Variants in PDIA3 observed in about 807,000 individuals in gnomAD.
PDIA3 encodes the protein protein disulfide isomerase family A member 3.
In PDIA3, 16 loss-of-function variants were observed where a neutral mutation model predicts 56.9. The observed-to-expected ratio is 0.28, with a 90% CI of 0.19 to 0.43. The LOEUF is 0.43. Ranked by LOEUF, PDIA3 falls within the 20% of genes least tolerant of loss-of-function variation. PDIA3 has a pLI of 1.00. For missense variants in PDIA3, 485 were observed against 621.3 expected (o/e 0.78, Z 2.33); for synonymous variants, 192 against 216.5 (o/e 0.89, Z 0.99).
chr15:43,761,555 G>A, intron 4 of PDIA3, 24 bp downstream of exon 4: 1 of 1,204,140 alleles, frequency 8.3e-7, no homozygotes, highest in Non-Finnish European at 1.2e-6. Context: ...ATTAAACCGT[G>A]CCACAGAATT....
chr15:43,760,520 A>AG (rs2086807778), intron 3 of PDIA3, among the ~76,000 whole-genome samples: 1 of 97,676 alleles, frequency 1.0e-5, no homozygotes, highest in African/African-American at 5.0e-5. Flanking sequence ...TGTTTCTGTT[A>AG]AAAAAAAAAC....
chr15:43,764,652 G>A lies in PDIA3; in HGVS notation c.603-798G>A, dbSNP rs375491716. On this transcript the variant is annotated intron_variant, in intron 5 of 12. Transcript: ENST00000300289. ...CTGGGTAGTTTATGTGTTTTTAGTA[G>A]AGACAGGGTTTCATCATATTAGCCA... Among the ~76,000 whole-genome samples the A allele has an allele frequency of 5.9e-5, 9 of 152,036 alleles. No individual in the cohort carries two copies. The East Asian group carries it at 1.4e-3, about 23-fold the overall frequency.
At position 43,746,472 on chromosome 15, in the gene PDIA3, C is replaced by A; in HGVS notation, c.-68C>A. 1.5e-6 allele frequency: 2 copies of A among 1,374,482 alleles called. No individual in the cohort carries two copies. The highest frequency in any genetic ancestry group is 9.6e-7 in the Non-Finnish European group (1 of 1,045,272). The allele number at this position is 1,374,482 out of a possible 1,614,324, so 85.1% of individuals were successfully genotyped here. Reference sequence around the variant, plus strand: ...AGCGCAAGCAGCGGGTTAGTGGTCGCGCGCCCGACCTCCGCAGTCCCAGCC... The same window carrying A: ...AGCGCAAGCAGCGGGTTAGTGGTCGAGCGCCCGACCTCCGCAGTCCCAGCC... On this transcript the variant is annotated 5_prime_UTR_variant, in exon 1 of 13. Coordinates refer to ENST00000300289, the MANE Select transcript of PDIA3 (RefSeq NM_005313.5).
Position 43,756,762 on chromosome 15 carries a change from T to C in PDIA3, c.360T>C (p.Thr120=). The change falls in exon 3 of 13, where the codon ACT becomes ACC. Residue 120 remains threonine, a synonymous_variant. Transcript: ENST00000300289. The part of the protein sequence containing the change: ...EEAGAYDGPR[T]ADGIVSHLKK... ...CAGGTGCTTATGATGGACCTAGGAC[T>C]GCTGGTAAGGATCCTGAATTACATT... 2 of 1,514,708 alleles carry C rather than the reference T, an allele frequency of 1.3e-6. No homozygotes were observed. Among genetic ancestry groups the C allele is most frequent in the Non-Finnish European group, 1.8e-6 (2 of 1,092,988 alleles). 93.8% of individuals were successfully genotyped at this position (1,514,708 alleles called of 1,614,324 possible).
At chr15:43,754,324 A>G (rs978627271) in intron 2 of PDIA3, among the ~76,000 whole-genome samples, 4 of 147,938 alleles carry the variant, frequency 2.7e-5, no homozygotes, top group Non-Finnish European at 6.0e-5. Context: ...AACCCAGGAG[A>G]TGAAGGTTTC....
chr15:43,759,016 C>T (rs1032680607), intron 3 of PDIA3, among the ~76,000 whole-genome samples: 1 of 151,844 alleles, frequency 6.6e-6, no homozygotes, highest in African/African-American at 2.4e-5. Context: ...CTAGGCCAGG[C>T]GTGGTGGCTC....
At position 43,752,873 on chromosome 15, in the gene PDIA3, G is replaced by A. The variant is rs533042946; in HGVS notation, c.168-951G>A. On this transcript the variant is annotated intron_variant, in intron 1 of 12. Transcript: ENST00000300289. ...CTTTTGAAAAGGTGATGTACAGCTG[G>A]TGCTAGCTGTATATACACTGATTAG... 1.1e-5 allele frequency: 5 copies of A among 471,132 alleles called. No homozygotes were observed. In the East Asian group the frequency reaches 3.5e-4, roughly 33 times the overall value. 29.2% of individuals were successfully genotyped at this position (471,132 alleles called of 1,614,324 possible).
In PDIA3 at chr15:43,773,013, T is replaced by C. The variant is rs774585400; in HGVS notation, c.*1795T>C. 12 of 1,103,572 alleles carry C rather than the reference T, an allele frequency of 1.1e-5. No individual in the cohort carries two copies. The highest frequency in any genetic ancestry group is 1.6e-5 in the African/African-American group (1 of 63,620). The allele number at this position is 1,103,572 out of a possible 1,614,324, so 68.4% of individuals were successfully genotyped here. On this transcript the variant is annotated 3_prime_UTR_variant, in exon 13 of 13. Coordinates refer to ENST00000300289, the MANE Select transcript of PDIA3 (RefSeq NM_005313.5). Reference sequence around the variant, plus strand: ...CTCTACTTGCCACCATGGACTCCAGTGGTCAGCATAAGAAAAGCAGATAGT... The same window carrying C: ...CTCTACTTGCCACCATGGACTCCAGCGGTCAGCATAAGAAAAGCAGATAGT...
chr15:43,753,558 A>G (rs563589966), intron 1 of PDIA3, among the ~76,000 whole-genome samples: 1 of 152,344 alleles, frequency 6.6e-6, no homozygotes, highest in Non-Finnish European at 1.5e-5. Flanking sequence ...TTCACAACTT[A>G]GTTATACTTT....
chr15:43,770,995 A>T (rs924053857), intron 12 of PDIA3, 110 bp from the exon 13 acceptor site: 5 of 692,118 alleles, frequency 7.2e-6, no homozygotes, highest in Non-Finnish European at 2.5e-6. Context: ...CATGGGCAGT[A>T]TATGTGGCTG....
chr15:43,761,183 A>C (rs1273814377), intron 3 of PDIA3, among the ~76,000 whole-genome samples: 2 of 150,006 alleles, frequency 1.3e-5, no homozygotes, highest in East Asian at 4.0e-4. Flanking sequence ...CAGAGCTTGC[A>C]GTGAGCTGAG....
At chr15:43,746,739 G>A (rs755786185) in intron 1 of PDIA3, 33 bp downstream of exon 1, 1 of 1,609,850 alleles carries the variant, frequency 6.2e-7, no homozygotes, top group Non-Finnish European at 8.5e-7. Context: ...GGGGAAGAAA[G>A]GCGGGGCTGG....
intron 2 of PDIA3, among the ~76,000 whole-genome samples, chr15:43,755,159 C>G (rs2086770495): frequency 1.3e-5 from 2 of 151,946 alleles, no homozygotes; most frequent in Non-Finnish European, 2.9e-5. Context: ...AACCCCATCT[C>G]TACTAAAAAA....
chr15:43,770,514 T>C lies in PDIA3; in HGVS notation c.1347-9T>C. 6.2e-7 allele frequency: 1 copy of C among 1,605,260 alleles called. No individual in the cohort carries two copies. The highest frequency in any genetic ancestry group is 8.5e-7 in the Non-Finnish European group (1 of 1,171,848). The stretch of plus-strand genomic sequence containing the variant: ...ACTGCTTGAAATTAATAAATGTTTC[T>C]TTCCCCAGTTTTCCTACCATATACT... On this transcript the variant is annotated splice_polypyrimidine_tract_variant and intron_variant, in intron 11 of 12. Transcript: ENST00000300289.
rs775222349 is a variant in PDIA3 at position 43,773,102 on chromosome 15, T to C, written c.*1884T>C. 1 of 1,582,990 alleles carries C rather than the reference T, an allele frequency of 6.3e-7. No individual in the cohort carries two copies. Among genetic ancestry groups the C allele is most frequent in the Non-Finnish European group, 8.6e-7 (1 of 1,169,092 alleles). On this transcript the variant is annotated 3_prime_UTR_variant, in exon 13 of 13. Transcript: ENST00000300289. Reference sequence around the variant, plus strand: ...GTTTCACTAAGCAGAGGCTCAAAAATTCCCTTGATAACTTCAGCTGCCCCT... The same window carrying C: ...GTTTCACTAAGCAGAGGCTCAAAAACTCCCTTGATAACTTCAGCTGCCCCT...
chr15:43,772,703 GCTACAAGTTCTTTTAA>G lies in PDIA3; in HGVS notation c.*1488_*1503del, dbSNP rs2086888601. The G allele has an allele frequency of 6.4e-6, 1 of 155,250 alleles. No individual in the cohort carries two copies. The highest frequency in any genetic ancestry group is 1.4e-5 in the Non-Finnish European group (1 of 70,228). The allele number at this position is 155,250 out of a possible 1,614,324, so 9.6% of individuals were successfully genotyped here. A position where few individuals can be genotyped will look rare whatever the true frequency, so the allele number is the denominator to read the frequency against. On this transcript the variant is annotated 3_prime_UTR_variant, in exon 13 of 13. Coordinates refer to ENST00000300289, the MANE Select transcript of PDIA3 (RefSeq NM_005313.5). The stretch of plus-strand genomic sequence containing the variant: ...GCCCTTTCCCATTATATCCAGGTAT[GCTACAAGTTCTTTTAA>G]CTCTTATCAGAAGTTATTATTACTG...
At chr15:43,770,205 C>A in intron 10 of PDIA3, 45 bp from the exon 11 acceptor site, 1 of 1,440,864 alleles carries the variant, frequency 6.9e-7, no homozygotes, top group South Asian at 1.2e-5. Context: ...GTCCCTCTGT[C>A]ACTGAAAACT....
chr15:43,760,434 T>C (rs1439470691), intron 3 of PDIA3, among the ~76,000 whole-genome samples: 1 of 151,778 alleles, frequency 6.6e-6, no homozygotes, highest in Non-Finnish European at 1.5e-5. Context: ...GAAACAAATG[T>C]CCATCAGTTT....
At chr15:43,763,386 G>A (rs2086829391) in intron 5 of PDIA3, among the ~76,000 whole-genome samples, 180 bp downstream of exon 5, 1 of 152,160 alleles carries the variant, frequency 6.6e-6, no homozygotes, top group African/African-American at 2.4e-5. Flanking sequence ...CTGCATAGCT[G>A]GGAGTACAGG....
Sources: allele counts gnomAD v4.1 joint callset (sites outside exome capture counted in the v4.1 genomes callset), GRCh38; gene constraint gnomAD v4.1.1; transcripts MANE v1.5; gene names NCBI Gene and HGNC (gene_info 2026-07-23, HGNC 2026-07-21).